MYCBP2: variants seen among roughly 807,000 people sequenced by gnomAD.
MYCBP2 encodes MYC binding protein 2.
MYCBP2 carries 120 observed loss-of-function variants against 525.3 expected under a neutral mutation model. That is an observed-to-expected ratio of 0.23 (90% CI 0.20 to 0.27). The LOEUF is 0.27. Ranked by LOEUF, MYCBP2 falls within the 10% of genes least tolerant of loss-of-function variation. The probability of loss-of-function intolerance (pLI) is 1.00; values close to 1 mark genes in which losing one functional copy is unlikely to be tolerated. For synonymous variants in MYCBP2, 1,894 were observed against 1,955.8 expected, an observed-to-expected ratio of 0.97 and a Z score of 0.83; for missense variants, 4,149 against 5,657.1, an observed-to-expected ratio of 0.73 and a Z score of 8.55.
chr13:77,297,145 A>C (rs2078277650), intron 1 of MYCBP2, among the ~76,000 whole-genome samples: 1 of 152,236 alleles, frequency 6.6e-6, no homozygotes, highest in African/African-American at 2.4e-5. Context: ...CAGTCTGGAT[A>C]CTTCATTATC....
At position 77,096,362 on chromosome 13, in the gene MYCBP2, G is replaced by A. The variant is rs201714806; in HGVS notation, c.9904C>T (p.Arg3302Cys). The A allele has an allele frequency of 1.9e-5, 30 of 1,613,026 alleles. No homozygotes were observed. The highest frequency in any genetic ancestry group is 2.2e-5 in the Non-Finnish European group (26 of 1,179,538). Residue 3302 changes from arginine to cysteine, a missense_variant, in exon 57 of 83, where the codon CGC becomes TGC. Physicochemically the swap from Arg to Cys is radical, Grantham distance 180. Around this residue, in one of 21 missense-constraint regions of MYCBP2, gnomAD observed 509 missense variants for 789.4 expected, o/e 0.64. Transcript: ENST00000544440. ...TCGCGGAGGTATTTTTCTCTACAGC[G>A]ATCACATACCAGATACCAAGTGCTT... ...GGSTWYLVCD[R>C]CREKYLREKQ... is the part of the protein sequence containing the mutation.
At chr13:77,143,079 C>T (rs1226573410) in intron 49 of MYCBP2, among the ~76,000 whole-genome samples, 4 of 152,134 alleles carry the variant, frequency 2.6e-5, no homozygotes, top group African/African-American at 7.2e-5. Context: ...CCTTGTTATC[C>T]TATTATACAG....
intron 65 of MYCBP2, among the ~76,000 whole-genome samples, chr13:77,080,278 T>C (rs2043073096): frequency 6.6e-6 from 1 of 152,118 alleles, no homozygotes; most frequent in South Asian, 2.1e-4. Flanking sequence ...TGCATCCAGG[T>C]TATCTGAGAC....
chr13:77,144,415 A>C (rs375028868), intron 49 of MYCBP2, 30 bp downstream of exon 49: 2 of 1,437,110 alleles, frequency 1.4e-6, no homozygotes, highest in Non-Finnish European at 9.8e-7. Context: ...ATTTGAAGTA[A>C]GTAGTAGCTC....
At chr13:77,074,715 A>G (rs1012365913) in intron 68 of MYCBP2, among the ~76,000 whole-genome samples, 1 of 152,242 alleles carries the variant, frequency 6.6e-6, no homozygotes, top group African/African-American at 2.4e-5. Context: ...CAACATGGAT[A>G]AATCTCAAAA....
In MYCBP2 at chr13:77,055,594, A is replaced by G; in HGVS notation, c.13611T>C (p.Asn4537=). The G allele has an allele frequency of 3.7e-6, 6 of 1,613,944 alleles. No homozygotes were observed. Among genetic ancestry groups the G allele is most frequent in the Non-Finnish European group, 5.1e-6 (6 of 1,179,962 alleles). ...FYNDPAGYAM[N]RYAYYVCYKC... ...TGTAGCACACATAATATGCATATCT[A>G]TTCATTGCATAGCCAGCTGGGTCAT... is the stretch of plus-strand genomic sequence containing the variant. The change falls in exon 80 of 83, where the codon AAT becomes AAC. Residue 4537 remains asparagine, a synonymous_variant. Transcript: ENST00000544440.
At chr13:77,068,969 C>G in intron 69 of MYCBP2, 138 bp from the exon 70 acceptor site, 2 of 821,984 alleles carry the variant, frequency 2.4e-6, no homozygotes, top group South Asian at 3.5e-5. Context: ...AGTTAATTCT[C>G]CATCATATGT....
Position 77,185,230 on chromosome 13 carries a change from G to T in MYCBP2, c.4592C>A (p.Pro1531His), listed in dbSNP as rs760635944. 7 of 1,614,084 alleles carry T rather than the reference G, an allele frequency of 4.3e-6. No individual in the cohort carries two copies. Among genetic ancestry groups the T allele is most frequent in the Non-Finnish European group, 5.9e-6 (7 of 1,179,996 alleles). The stretch of plus-strand genomic sequence containing the variant: ...AAGGACAGCTTCTAGAAGACTCAAG[G>T]GTTGACTGAGATATCCTTGAGGATC... Reference protein sequence around the residue: ...DNDPQGYLSQPLSLLEAVLQE... With the variant: ...DNDPQGYLSQHLSLLEAVLQE... The change falls in exon 32 of 83, where the codon CCC becomes CAC. Residue 1531 changes from proline (P) to histidine (H), a missense_variant. Physicochemically the swap from Pro to His is moderately conservative, Grantham distance 77 (BLOSUM62 -2). Coordinates refer to ENST00000544440, the MANE Select transcript of MYCBP2 (RefSeq NM_015057.5).
rs773039470 is a variant in MYCBP2 at position 77,144,525 on chromosome 13, T to A, written c.7223A>T (p.Asp2408Val). ...AGTCCAATTTGCACAATAAGTCCCA[T>A]CATTATTGACACGGATCAGCATATT... ...SENMLIRVNN[D>V]GTYCANWTPG... The change falls in exon 49 of 83, where the codon GAT becomes GTT. Residue 2408 changes from aspartate to valine, a missense_variant. Coordinates refer to ENST00000544440, the MANE Select transcript of MYCBP2 (RefSeq NM_015057.5). 5 of 1,613,302 alleles carry A rather than the reference T, an allele frequency of 3.1e-6. No homozygotes were observed. In the African/African-American group the frequency reaches 6.7e-5, roughly 22 times the overall value.
intron 3 of MYCBP2, among the ~76,000 whole-genome samples, chr13:77,286,789 A>AATATATATATATATATATATATAT (rs1197559343): frequency 6.6e-4 from 28 of 42,280 alleles, no homozygotes; most frequent in South Asian, 1.0e-3. Context: ...AAAAAAAAAA[A>AATATATATATATATATATATATAT]ATATATATAT....
At chr13:77,064,809 A>ACAT in intron 72 of MYCBP2, 75 bp from the exon 73 acceptor site, 1 of 1,337,594 alleles carries the variant, frequency 7.5e-7, no homozygotes, top group South Asian at 1.9e-5. Context: ...TTCTTAAATA[A>ACAT]CATCTCCTAT....
At chr13:77,282,500 T>C (rs2076301354) in intron 3 of MYCBP2, among the ~76,000 whole-genome samples, 1 of 152,150 alleles carries the variant, frequency 6.6e-6, no homozygotes. Context: ...ACCATCTTCT[T>C]CCCTTCTCTT....
Position 77,098,791 on chromosome 13 carries a change from A to G in MYCBP2, c.8363T>C (p.Leu2788Ser), listed in dbSNP as rs116957494. The G allele has an allele frequency of 1.3e-3, 2,061 of 1,613,580 alleles. 2 individuals carry two copies. The highest frequency in any genetic ancestry group is 1.8e-3 in the Admixed American group (107 of 59,926). The change falls in exon 56 of 83, where the codon TTA becomes TCA. Residue 2788 changes from leucine to serine, a missense_variant. Physicochemically the swap from Leu to Ser is moderately radical, Grantham distance 145. Transcript: ENST00000544440. ...CTGCAAGGTGTTATGGTTGGGGGAT[A>G]ATGACCTACTGTGGGAATCTGACCT... The part of the protein sequence containing the change: ...KLRSDSHSRS[L>S]SPNHNTLQTL...
intron 44 of MYCBP2, among the ~76,000 whole-genome samples, chr13:77,159,639 A>G (rs1409744466): frequency 6.6e-6 from 1 of 152,122 alleles, no homozygotes; most frequent in Non-Finnish European, 1.5e-5. Flanking sequence ...GTTGTTTGAT[A>G]AGTGTGTAGG....
chr13:77,212,097 G>A lies in MYCBP2; in HGVS notation c.3121C>T (p.Pro1041Ser), dbSNP rs1184883858. Residue 1041 changes from proline to serine, a missense_variant, in exon 22 of 83, where the codon CCT (proline) becomes TCT (serine). Pro to Ser is a moderately conservative substitution (Grantham distance 74). Coordinates refer to ENST00000544440, the MANE Select transcript of MYCBP2 (RefSeq NM_015057.5). The stretch of plus-strand genomic sequence containing the variant: ...CTTCCATATTTTGATCCAATGTTAG[G>A]CATGGGAGCTGGCTTTGCATTCCAA... ...PYWNAKPAPM[P>S]NIGSKYGRKA... The A allele has an allele frequency of 6.2e-7, 1 of 1,614,044 alleles. No individual in the cohort carries two copies. Among genetic ancestry groups the A allele is most frequent in the Non-Finnish European group, 8.5e-7 (1 of 1,179,984 alleles).
chr13:77,071,192 T>C (rs1310305548), intron 68 of MYCBP2, among the ~76,000 whole-genome samples: 1 of 151,972 alleles, frequency 6.6e-6, no homozygotes, highest in Non-Finnish European at 1.5e-5. Flanking sequence ...GAGCTTATTA[T>C]GTGCACGCTG....
chr13:77,073,131 TATCATG>T (rs985969361), intron 68 of MYCBP2, among the ~76,000 whole-genome samples: 1 of 152,150 alleles, frequency 6.6e-6, no homozygotes, highest in African/African-American at 2.4e-5. Flanking sequence ...AGAAGCACTA[TATCATG>T]TAGCTACCAT....
intron 29 of MYCBP2, among the ~76,000 whole-genome samples, chr13:77,189,740 A>G (rs895365814): frequency 6.6e-6 from 1 of 152,198 alleles, no homozygotes; most frequent in African/African-American, 2.4e-5. Context: ...AAATTTTTCA[A>G]TAATGTTAAA....
chr13:77,218,971 C>T (rs1216826632), intron 20 of MYCBP2, among the ~76,000 whole-genome samples: 2 of 152,102 alleles, frequency 1.3e-5, no homozygotes, highest in African/African-American at 2.4e-5. Flanking sequence ...ATGTAAGGAA[C>T]AGAATTGATG....
Sources: allele counts gnomAD v4.1 joint callset (sites outside exome capture counted in the v4.1 genomes callset), GRCh38; gene constraint gnomAD v4.1.1; regional missense constraint gnomAD v4.1.1; transcripts MANE v1.5; gene names NCBI Gene and HGNC (gene_info 2026-07-23, HGNC 2026-07-21).